The following STK38L variants were observed in gnomAD, a reference collection of about 807,000 sequenced individuals.
STK38L encodes the protein serine/threonine-protein kinase 38-like.
In STK38L, 28 loss-of-function variants were observed where a neutral mutation model predicts 59.7. The observed-to-expected ratio is 0.47, with a 90% CI of 0.35 to 0.64. STK38L has a LOEUF of 0.64. STK38L is among the 30% of genes least tolerant of loss of function. The pLI is 0.01. For missense variants in STK38L, 314 were observed against 555.8 expected (o/e 0.56, Z 4.37); for synonymous variants, 162 against 176.8 (o/e 0.92, Z 0.66).
At chr12:27,307,407 AG>A (rs1455552108) in intron 3 of STK38L, among the ~76,000 whole-genome samples, 1 of 152,272 alleles carries the variant, frequency 6.6e-6, no homozygotes, top group Non-Finnish European at 1.5e-5. Context: ...AGATATATAC[AG>A]GAGTAGGGAG....
At chr12:27,298,914 G>A (rs1261310418) in intron 2 of STK38L, among the ~76,000 whole-genome samples, 1 of 152,182 alleles carries the variant, frequency 6.6e-6, no homozygotes, top group Non-Finnish European at 1.5e-5. Context: ...TTGAGCAGAA[G>A]AATCAAATGA....
chr12:27,300,233 T>C (rs147165639), intron 2 of STK38L, among the ~76,000 whole-genome samples: 37 of 152,358 alleles, frequency 2.4e-4, no homozygotes, highest in African/African-American at 6.5e-4. Context: ...GAAAATGTGA[T>C]GTATTTTTAA....
intron 12 of STK38L, among the ~76,000 whole-genome samples, chr12:27,321,714 A>G (rs976705136): frequency 6.6e-6 from 1 of 152,200 alleles, no homozygotes; most frequent in African/African-American, 2.4e-5. Flanking sequence ...AATAAGACCT[A>G]TTACTTGATA....
intron 1 of STK38L, among the ~76,000 whole-genome samples, chr12:27,288,358 G>A (rs1053178416): frequency 3.3e-5 from 5 of 151,672 alleles, no homozygotes; most frequent in Admixed American, 1.3e-4. Context: ...TACTTTTGAC[G>A]GACCCATATT....
In STK38L at chr12:27,308,373, A is replaced by G; in HGVS notation, c.221A>G (p.Glu74Gly). Residue 74 changes from glutamate (E) to glycine (G), a missense_variant, in exon 4 of 14, where the codon GAA (glutamate) becomes GGA (glycine). Transcript: ENST00000389032. This position sits in a 1 kb window ranked among gnomAD's most constrained non-coding sequence, Gnocchi z 4.5. The stretch of plus-strand genomic sequence containing the variant: ...CGTCGATCACAACACGCTCGCAAAG[A>G]AACAGAGTTCTTACGGCTCAAAAGG... ...KLRRSQHARKETEFLRLKRTR... is the reference protein window; with the variant it reads ...KLRRSQHARKGTEFLRLKRTR... 1 of 1,597,562 alleles carries G rather than the reference A, an allele frequency of 6.3e-7. No homozygotes were observed. Among genetic ancestry groups the G allele is most frequent in the Non-Finnish European group, 8.5e-7 (1 of 1,170,688 alleles).
intron 1 of STK38L, among the ~76,000 whole-genome samples, chr12:27,296,051 A>G (rs1304124911): frequency 6.6e-6 from 1 of 152,246 alleles, no homozygotes; most frequent in African/African-American, 2.4e-5. Flanking sequence ...CACACTAGCT[A>G]TGTGACTTGC....
chr12:27,301,681 A>G (rs527238585), intron 2 of STK38L, among the ~76,000 whole-genome samples: 2 of 152,352 alleles, frequency 1.3e-5, no homozygotes, highest in South Asian at 2.1e-4. Context: ...AACTGAGCTT[A>G]GAGTTTCAGT....
At chr12:27,321,035 C>T (rs998948629) in intron 12 of STK38L, among the ~76,000 whole-genome samples, 2 of 152,032 alleles carry the variant, frequency 1.3e-5, no homozygotes, top group Non-Finnish European at 2.9e-5. Flanking sequence ...AATGAGGGAA[C>T]AGTCATGGAG....
intron 1 of STK38L, among the ~76,000 whole-genome samples, chr12:27,266,608 G>C (rs889628405): frequency 1.3e-5 from 2 of 152,148 alleles, no homozygotes; most frequent in African/African-American, 4.8e-5. Flanking sequence ...TTCCTAAAAA[G>C]TTGTATTTAG....
intron 3 of STK38L, 42 bp downstream of exon 3, chr12:27,302,230 G>A: frequency 1.4e-6 from 2 of 1,454,218 alleles, no homozygotes; most frequent in Non-Finnish European, 1.9e-6. Flanking sequence ...AGCACCCCCA[G>A]TGACTTTTCA....
chr12:27,304,142 C>G (rs940958660), intron 3 of STK38L, among the ~76,000 whole-genome samples: 28 of 151,354 alleles, frequency 1.8e-4, no homozygotes, highest in African/African-American at 6.1e-4. Context: ...GTGTGTAGTC[C>G]CAGCTACTCA....
intron 1 of STK38L, among the ~76,000 whole-genome samples, chr12:27,295,853 A>G (rs576277083): frequency 5.1e-4 from 77 of 152,368 alleles, no homozygotes; most frequent in Non-Finnish European, 9.3e-4. Flanking sequence ...AAGGATCAGC[A>G]GATTCCTGCA....
intron 1 of STK38L, among the ~76,000 whole-genome samples, chr12:27,272,714 T>C (rs1374476071): frequency 1.3e-5 from 2 of 152,112 alleles, no homozygotes; most frequent in Non-Finnish European, 2.9e-5. Context: ...TCCCCCCAAA[T>C]GTGGTTTGTT....
chr12:27,274,010 C>G (rs1162054935), intron 1 of STK38L, among the ~76,000 whole-genome samples: 1 of 151,818 alleles, frequency 6.6e-6, no homozygotes, highest in African/African-American at 2.4e-5. Flanking sequence ...ATCCCAGCAC[C>G]TTGGGAGGCT....
intron 11 of STK38L, 78 bp downstream of exon 11, chr12:27,318,097 T>TG (rs997413138): frequency 6.4e-7 from 1 of 1,563,564 alleles, no homozygotes; most frequent in East Asian, 2.3e-5. Flanking sequence ...TTCACTTTTG[T>TG]GGGGGAAGAG....
At chr12:27,321,917 C>G (rs749528922) in intron 12 of STK38L, among the ~76,000 whole-genome samples, 1 of 151,798 alleles carries the variant, frequency 6.6e-6, no homozygotes, top group African/African-American at 2.4e-5. Flanking sequence ...ACCACATAAC[C>G]CCAAAAATTA....
chr12:27,269,774 C>G (rs2136616832), intron 1 of STK38L, among the ~76,000 whole-genome samples: 1 of 152,274 alleles, frequency 6.6e-6, no homozygotes, highest in South Asian at 2.1e-4. Flanking sequence ...TCCCGAGTAG[C>G]TGGGATTACA....
chr12:27,306,957 C>G (rs1944332747), intron 3 of STK38L, among the ~76,000 whole-genome samples: 1 of 152,062 alleles, frequency 6.6e-6, no homozygotes, highest in African/African-American at 2.4e-5. Context: ...TCTCGATCTC[C>G]TGACTTCATG....
intron 7 of STK38L, 50 bp downstream of exon 7, chr12:27,314,708 C>T (rs1189213528): frequency 6.6e-7 from 1 of 1,523,354 alleles, no homozygotes; most frequent in Non-Finnish European, 8.8e-7. Context: ...TTTTTTAGAG[C>T]AGTAGGGCTG....
Sources: allele counts gnomAD v4.1 joint callset (sites outside exome capture counted in the v4.1 genomes callset), GRCh38; gene constraint gnomAD v4.1.1; non-coding constraint Gnocchi (gnomAD v3.1); transcripts MANE v1.5; gene names NCBI Gene and HGNC (gene_info 2026-07-23, HGNC 2026-07-21).